AGPAT3: variants seen among roughly 807,000 people sequenced by gnomAD.
The protein encoded by AGPAT3 is 1-acylglycerol-3-phosphate O-acyltransferase 3.
AGPAT3 carries 5 observed loss-of-function variants against 47.3 expected under a neutral mutation model. That is an observed-to-expected ratio of 0.11 (90% confidence interval 0.06 to 0.22). The LOEUF (loss-of-function observed/expected upper bound fraction) is 0.22, where lower values mean the gene tolerates loss of function less well. Ranked by LOEUF, AGPAT3 falls within the 10% of genes least tolerant of loss-of-function variation. The pLI, the probability that AGPAT3 is intolerant of heterozygous loss-of-function variation, is 1.00. For synonymous variants in AGPAT3, 212 were observed against 208.3 expected (o/e 1.02, Z -0.15); for missense variants, 315 against 493.0 (o/e 0.64, Z 3.42).
chr21:43,867,996 A>G (rs1271771342), intron 1 of AGPAT3, among the ~76,000 whole-genome samples: 6 of 152,216 alleles, frequency 3.9e-5, no homozygotes, highest in Non-Finnish European at 1.5e-5. Flanking sequence ...TAAATTACCA[A>G]TTTCAAAGCG....
At chr21:43,904,847 T>C (rs1395882315) in intron 2 of AGPAT3, among the ~76,000 whole-genome samples, 1 of 152,204 alleles carries the variant, frequency 6.6e-6, no homozygotes, top group Admixed American at 6.5e-5. Flanking sequence ...CTCCAAATGC[T>C]GTCGGCAGAG....
intron 8 of AGPAT3, among the ~76,000 whole-genome samples, chr21:43,979,317 G>A (rs920452053): frequency 2.0e-3 from 195 of 99,596 alleles, no homozygotes; most frequent in Middle Eastern, 5.0e-3. Context: ...AAAAAAAAAA[G>A]AAAGAAAAAA....
Position 43,922,850 on chromosome 21 carries a change from T to A in AGPAT3, c.-49+18831T>A, listed in dbSNP as rs781447197. Among the ~76,000 whole-genome samples the A allele has an allele frequency of 1.3e-5, 2 of 152,160 alleles. No homozygotes were observed. The highest frequency in any genetic ancestry group is 2.9e-5 in the Non-Finnish European group (2 of 68,020). On this transcript the variant is annotated intron_variant, in intron 2 of 9. Coordinates refer to ENST00000291572, the MANE Select transcript of AGPAT3 (RefSeq NM_020132.5). The surrounding 1 kb of genome is among the most constrained non-coding windows in gnomAD (Gnocchi z 4.9). ...ATGAGGATTGGCTGCATTTTTTCGC[T>A]GTGTGATGTGACTGGCTGCCCAGTG...
intron 2 of AGPAT3, among the ~76,000 whole-genome samples, chr21:43,953,714 A>G (rs1027044910): frequency 6.6e-6 from 1 of 152,250 alleles, no homozygotes; most frequent in African/African-American, 2.4e-5. Context: ...GGTGGCTGTC[A>G]AATCATGATG....
At chr21:43,866,835 C>G (rs549186217) in intron 1 of AGPAT3, among the ~76,000 whole-genome samples, 1 of 152,374 alleles carries the variant, frequency 6.6e-6, no homozygotes, top group African/African-American at 2.4e-5. Flanking sequence ...GTGCGTGGCC[C>G]TGTCCTGGCG....
chr21:43,938,601 C>T (rs1411748571), intron 2 of AGPAT3, among the ~76,000 whole-genome samples: 1 of 152,122 alleles, frequency 6.6e-6, no homozygotes, highest in Non-Finnish European at 1.5e-5. Context: ...GCCTGCAAAT[C>T]TTCTATTTTG....
intron 1 of AGPAT3, among the ~76,000 whole-genome samples, chr21:43,877,024 A>G (rs1207766438): frequency 1.3e-5 from 2 of 151,890 alleles, no homozygotes; most frequent in African/African-American, 4.8e-5. Context: ...ACGCCCAGCT[A>G]ATTTTTTGTA....
rs186376776 is a variant in AGPAT3, at chr21:43,941,541, C to T, written c.-48-18093C>T. On this transcript the variant is annotated intron_variant, in intron 2 of 9. Transcript: ENST00000291572. ...CAGCCTGGGCAACAGAGCGAGACCC[C>T]ATCTCTAAAAAACAAACAGAACCTA... 2.6e-5 allele frequency among the ~76,000 whole-genome samples: 4 copies of T among 152,296 alleles called. No individual in the cohort carries two copies. The East Asian group carries it at 7.7e-4, about 29-fold the overall frequency.
At position 43,930,144 on chromosome 21, in the gene AGPAT3, T is replaced by A. The variant is rs1569070845; in HGVS notation, c.-49+26125T>A. 6.6e-6 allele frequency among the ~76,000 whole-genome samples: 1 copy of A among 152,184 alleles called. No homozygotes were observed. Among genetic ancestry groups the A allele is most frequent in the Non-Finnish European group, 1.5e-5 (1 of 68,044 alleles). On this transcript the variant is annotated intron_variant, in intron 2 of 9. Coordinates refer to ENST00000291572, the MANE Select transcript of AGPAT3 (RefSeq NM_020132.5). This position sits in a 1 kb window ranked among gnomAD's most constrained non-coding sequence, Gnocchi z 5.0. ...TTGAAGAAAGTGGGGAATAGAGTTATCAACCGTCACTCCACGGAGAGTCTA... is the reference window on the plus strand; with the variant it reads ...TTGAAGAAAGTGGGGAATAGAGTTAACAACCGTCACTCCACGGAGAGTCTA...
intron 1 of AGPAT3, among the ~76,000 whole-genome samples, chr21:43,897,604 G>C (rs1195282804): frequency 0.039 from 4,398 of 111,496 alleles, 167 homozygotes; most frequent in African/African-American, 0.12. Context: ...CGGGCAGAGG[G>C]GCTCCTCACC....
intron 2 of AGPAT3, among the ~76,000 whole-genome samples, chr21:43,913,387 C>A (rs182085912): frequency 3.2e-4 from 49 of 152,192 alleles, no homozygotes; most frequent in Non-Finnish European, 6.2e-4. Flanking sequence ...AAGTTTGAGA[C>A]CAGCCTGGGC....
chr21:43,977,402 C>G (rs1370061959), intron 7 of AGPAT3, among the ~76,000 whole-genome samples: 1 of 152,142 alleles, frequency 6.6e-6, no homozygotes, highest in Non-Finnish European at 1.5e-5. Flanking sequence ...ACATGACCAC[C>G]CTTCTCATGG....
chr21:43,945,323 G>A (rs1418426074), intron 2 of AGPAT3, among the ~76,000 whole-genome samples: 1 of 152,192 alleles, frequency 6.6e-6, no homozygotes, highest in Non-Finnish European at 1.5e-5. Flanking sequence ...TCGCACACCT[G>A]ACAGTTGTCA....
rs2089350065 is a variant in AGPAT3, at chr21:43,970,552, C to G, written c.511-101C>G. On this transcript the variant is annotated intron_variant, in intron 5 of 9. Transcript: ENST00000291572. This position sits in a 1 kb window ranked among gnomAD's most constrained non-coding sequence, Gnocchi z 5.8. ...AGCGGTTCCAAGATTTCCACAAATT[C>G]AGCCACAACCTTTGCTGCCTGTCAG... The G allele has an allele frequency of 1.5e-6, 2 of 1,315,558 alleles. No homozygotes were observed. The highest frequency in any genetic ancestry group is 3.0e-5 in the African/African-American group (2 of 67,274). 81.5% of individuals were successfully genotyped at this position (1,315,558 alleles called of 1,614,324 possible). A position where few individuals can be genotyped will look rare whatever the true frequency, so the allele number is the denominator to read the frequency against.
intron 1 of AGPAT3, among the ~76,000 whole-genome samples, chr21:43,901,379 A>G (rs1304995352): frequency 6.6e-6 from 1 of 151,970 alleles, no homozygotes; most frequent in African/African-American, 2.4e-5. Context: ...ATATCTATCC[A>G]GATGATAGAG....
At chr21:43,902,739 C>T (rs181006113) in intron 1 of AGPAT3, among the ~76,000 whole-genome samples, 13 of 152,324 alleles carry the variant, frequency 8.5e-5, no homozygotes, top group Non-Finnish European at 1.2e-4. Flanking sequence ...TGACTCATAC[C>T]TCTAGTTCCA....
At chr21:43,877,643 C>T (rs2085763507) in intron 1 of AGPAT3, among the ~76,000 whole-genome samples, 2 of 152,078 alleles carry the variant, frequency 1.3e-5, no homozygotes, top group Non-Finnish European at 2.9e-5. Flanking sequence ...GGGGTTTCTC[C>T]TTGTTGGTCA....
At chr21:43,921,974 T>C (rs2086906617) in intron 2 of AGPAT3, among the ~76,000 whole-genome samples, 1 of 152,112 alleles carries the variant, frequency 6.6e-6, no homozygotes, top group Admixed American at 6.5e-5. Context: ...AGTGTGAGTG[T>C]TGGGACATTC....
In AGPAT3 at chr21:43,986,076, C is replaced by G. The variant is rs2030263342; in HGVS notation, c.*3684C>G. 6.6e-6 allele frequency: 1 copy of G among 152,286 alleles called. No homozygotes were observed. The highest frequency in any genetic ancestry group is 6.5e-5 in the Admixed American group (1 of 15,288). The allele number at this position is 152,286 out of a possible 1,614,324, so 9.4% of individuals were successfully genotyped here. On this transcript the variant is annotated 3_prime_UTR_variant, in exon 10 of 10. Transcript: ENST00000291572. ...CCCATACCCCTGCCGTGGGGCCGACCTGGGGGATGCAGACATCCGGCTCCG... is the reference window on the plus strand; with the variant it reads ...CCCATACCCCTGCCGTGGGGCCGACGTGGGGGATGCAGACATCCGGCTCCG...
Sources: gnomAD v4.1 joint callset for allele counts (sites outside exome capture counted in the v4.1 genomes callset) on GRCh38, gnomAD v4.1.1 for gene constraint, Gnocchi (gnomAD v3.1) non-coding constraint, MANE v1.5 for transcripts, NCBI Gene and HGNC (gene_info 2026-07-23, HGNC 2026-07-21) for gene names.